PCDHGA3: variants seen among roughly 807,000 people sequenced by gnomAD.
PCDHGA3 encodes protocadherin gamma subfamily A, 3, also known as protocadherin gamma-A3.
PCDHGA3 carries 40 observed loss-of-function variants against 58.5 expected under a neutral mutation model. That is an observed-to-expected ratio of 0.68 (90% CI 0.53 to 0.89). The LOEUF (loss-of-function observed/expected upper bound fraction) is 0.89. PCDHGA3 is among the 40% of genes least tolerant of loss of function. The probability of loss-of-function intolerance (pLI) is 0.00; values close to 1 mark genes in which losing one functional copy is unlikely to be tolerated. For missense variants in PCDHGA3, 1,223 were observed against 1,195.9 expected, an observed-to-expected ratio of 1.02 and a Z score of -0.33; for synonymous variants, 530 against 525.7, an observed-to-expected ratio of 1.01 and a Z score of -0.11.
In PCDHGA3 at chr5:141,345,463, A is replaced by G. The variant is rs775001593; in HGVS notation, c.1430A>G (p.Gln477Arg). 9.3e-6 allele frequency: 15 copies of G among 1,614,042 alleles called. No homozygotes were observed. The highest frequency in any genetic ancestry group is 6.7e-5 in the Admixed American group (4 of 60,002). ...GCCTCCATCTTCTCAGTGACAGCCC[A>G]GGACCCAGATAGCAACAACAACGCC... Reference protein sequence around the residue: ...RGASIFSVTAQDPDSNNNARI... With the variant: ...RGASIFSVTARDPDSNNNARI... The change falls in exon 1 of 4, where the codon CAG becomes CGG. Residue 477 changes from glutamine to arginine, a missense_variant. Coordinates refer to ENST00000253812, the MANE Select transcript of PCDHGA3 (RefSeq NM_018916.4).
chr5:141,432,506 G>A lies in PCDHGA3; in HGVS notation c.2425-62301G>A. 3 of 1,614,140 alleles carry A rather than the reference G, an allele frequency of 1.9e-6. No homozygotes were observed. Among genetic ancestry groups the A allele is most frequent in the Non-Finnish European group, 2.5e-6 (3 of 1,180,036 alleles). On this transcript the variant is annotated intron_variant, in intron 1 of 3. Transcript: ENST00000253812. This position sits in a 1 kb window ranked among gnomAD's most constrained non-coding sequence, Gnocchi z 6.0. ...CGTGGAGCTGGCTCCCCGCTCCGCA[G>A]AGCCCGGCTACCTGGTGACCAAGGT... is the stretch of plus-strand genomic sequence containing the variant.
chr5:141,362,555 A>G, intron 1 of PCDHGA3: 1 of 1,612,062 alleles, frequency 6.2e-7, no homozygotes, highest in Non-Finnish European at 8.5e-7. Context: ...ACTATTTTGA[A>G]GGTGAGCTTT....
At chr5:141,421,529 C>T in intron 1 of PCDHGA3, 1 of 1,614,020 alleles carries the variant, frequency 6.2e-7, no homozygotes, top group Non-Finnish European at 8.5e-7. Flanking sequence ...GAGACGGTGT[C>T]CTCCTGTTTT....
intron 1 of PCDHGA3, chr5:141,376,077 C>T (rs373865501): frequency 6.2e-7 from 1 of 1,613,380 alleles, no homozygotes; most frequent in Non-Finnish European, 8.5e-7. Flanking sequence ...GTGGCCGTGG[C>T]CGACAGGATC....
intron 1 of PCDHGA3, among the ~76,000 whole-genome samples, chr5:141,469,723 C>G (rs2099209474): frequency 6.6e-6 from 1 of 152,210 alleles, no homozygotes; most frequent in Non-Finnish European, 1.5e-5. Context: ...AGGAATTTAT[C>G]ATAAATACAC....
At chr5:141,370,782 C>G in intron 1 of PCDHGA3, 1 of 1,613,988 alleles carries the variant, frequency 6.2e-7, no homozygotes, top group Non-Finnish European at 8.5e-7. Context: ...TAACGACAAC[C>G]CACCGACCTT....
chr5:141,360,714 G>A (rs1761713863), intron 1 of PCDHGA3: 1 of 1,613,956 alleles, frequency 6.2e-7, no homozygotes, highest in Non-Finnish European at 8.5e-7. Flanking sequence ...AATATCCTGA[G>A]TTGATTCTAA....
intron 1 of PCDHGA3, chr5:141,403,711 G>A: frequency 6.2e-7 from 1 of 1,613,930 alleles, no homozygotes; most frequent in South Asian, 1.1e-5. Context: ...AAGTCCTTGA[G>A]AACGTGCCCC....
rs72790006 is a variant in PCDHGA3 at position 141,345,024 on chromosome 5, G to T, written c.991G>T (p.Ala331Ser). The T allele has an allele frequency of 0.026, 42,587 of 1,613,916 alleles. 730 individuals carry two copies. The highest frequency in any genetic ancestry group is 0.041 in the East Asian group (1,840 of 44,874). ...GGATGGACCAGGTCTTCTTTCAAGA[G>T]CCAAGATTCTAGTCACGGTTCTGGA... ...AQDGPGLLSR[A>S]KILVTVLDVN... The change falls in exon 1 of 4, where the codon GCC becomes TCC. Residue 331 changes from alanine to serine, a missense_variant. Around this residue, in one of 3 missense-constraint regions of PCDHGA3, gnomAD observed 791 missense variants for 708.5 expected, o/e 1.12. Coordinates refer to ENST00000253812, the MANE Select transcript of PCDHGA3 (RefSeq NM_018916.4).
rs1442570663 is a variant in PCDHGA3, at chr5:141,438,613, TATATATATATATATATATATATACACAC to T, written c.2425-56192_2425-56165del. On this transcript the variant is annotated intron_variant, in intron 1 of 3. Transcript: ENST00000253812. Reference sequence around the variant, plus strand: ...ATACATATATATATATATATATATATATATATATATATATATATATATACACACACACACACACATATATGTATATATA... The same window carrying T: ...ATACATATATATATATATATATATATACACACACACATATATGTATATATA... Among the ~76,000 whole-genome samples, 243 of 36,492 alleles carry T rather than the reference TATATATATATATATATATATATACACAC, an allele frequency of 6.7e-3. 7 individuals are homozygous for T. The highest frequency in any genetic ancestry group is 0.033 in the East Asian group (37 of 1,124). The allele number at this position is 36,492 out of a possible 152,430, so 23.9% of individuals were successfully genotyped here.
At chr5:141,370,602 G>A in intron 1 of PCDHGA3, 1 of 1,613,954 alleles carries the variant, frequency 6.2e-7, no homozygotes, top group Non-Finnish European at 8.5e-7. Flanking sequence ...GCGGGTTATT[G>A]CAGAGAAGAA....
rs1054012796 is a variant in PCDHGA3 at position 141,420,071 on chromosome 5, G to C, written c.2424+73614G>C. The C allele has an allele frequency of 6.2e-7, 1 of 1,614,050 alleles. No individual in the cohort carries two copies. On this transcript the variant is annotated intron_variant, in intron 1 of 3. Coordinates refer to ENST00000253812, the MANE Select transcript of PCDHGA3 (RefSeq NM_018916.4). ...AGTTCTCTGCTCCAAGTCCGGACCT[G>C]TGGGTCCCCCCAACTACAGTGAGGG...
At chr5:141,376,453 T>C (rs779136467) in intron 1 of PCDHGA3, 2 of 1,614,048 alleles carry the variant, frequency 1.2e-6, no homozygotes, top group African/African-American at 2.7e-5. Flanking sequence ...AAAGCGAGCC[T>C]CTTCTGATAA....
In PCDHGA3 at chr5:141,351,797, C is replaced by T. The variant is rs773768523; in HGVS notation, c.2424+5340C>T. The T allele has an allele frequency of 2.4e-5, 39 of 1,613,244 alleles. No individual in the cohort carries two copies. In the Admixed American group the frequency reaches 5.3e-4, roughly 22 times the overall value. On this transcript the variant is annotated intron_variant, in intron 1 of 3. Coordinates refer to ENST00000253812, the MANE Select transcript of PCDHGA3 (RefSeq NM_018916.4). The stretch of plus-strand genomic sequence containing the variant: ...CCCGCAGAGCGGGGTGGTGTTCGCG[C>T]AGCGCGCCTTCGACCACGAGCAGCT...
Position 141,344,763 on chromosome 5 carries a change from C to A in PCDHGA3, c.730C>A (p.Gln244Lys). ...AAATGACAACCCACCAATGTTTACTCAGCCTGAGTACCGTGTGAGTGTTTG... is the reference window on the plus strand; with the variant it reads ...AAATGACAACCCACCAATGTTTACTAAGCCTGAGTACCGTGTGAGTGTTTG... ...DANDNPPMFT[Q>K]PEYRVSVWEN... Residue 244 changes from glutamine (Q) to lysine (K), a missense_variant, in exon 1 of 4, where the codon CAG becomes AAG. Gln to Lys is a moderately conservative substitution (Grantham distance 53). Around this residue, in one of 3 missense-constraint regions of PCDHGA3, gnomAD observed 791 missense variants for 708.5 expected, o/e 1.12. Coordinates refer to ENST00000253812, the MANE Select transcript of PCDHGA3 (RefSeq NM_018916.4). The A allele has an allele frequency of 6.2e-7, 1 of 1,614,014 alleles. No individual in the cohort carries two copies. The highest frequency in any genetic ancestry group is 1.1e-5 in the South Asian group (1 of 91,072).
At chr5:141,374,161 C>G in intron 1 of PCDHGA3, 1 of 1,612,316 alleles carries the variant, frequency 6.2e-7, no homozygotes, top group South Asian at 1.1e-5. Flanking sequence ...TGTGGGGGGC[C>G]GCGGCAGCGC....
intron 1 of PCDHGA3, among the ~76,000 whole-genome samples, chr5:141,492,148 G>C (rs2099737507): frequency 6.6e-6 from 1 of 152,202 alleles, no homozygotes; most frequent in Admixed American, 6.5e-5. Flanking sequence ...TGACTTCACT[G>C]TTACCCTCCC....
In PCDHGA3 at chr5:141,383,840, T is replaced by C. The variant is rs190731749; in HGVS notation, c.2424+37383T>C. 1.9e-6 allele frequency: 3 copies of C among 1,613,952 alleles called. No homozygotes were observed. In the East Asian group the frequency reaches 6.7e-5, roughly 36 times the overall value. Reference sequence around the variant, plus strand: ...GGATTAGATTATGAAGAAACTGCCTTCTATGAAATGGAGGTTCAGGCTCAA... The same window carrying C: ...GGATTAGATTATGAAGAAACTGCCTCCTATGAAATGGAGGTTCAGGCTCAA... On this transcript the variant is annotated intron_variant, in intron 1 of 3. Transcript: ENST00000253812.
rs375072336 is a variant in PCDHGA3, at chr5:141,350,302, A to G, written c.2424+3845A>G. On this transcript the variant is annotated intron_variant, in intron 1 of 3. Transcript: ENST00000253812. ...AAGCCGAAATGATGAAAAGTCAGGT[A>G]CTGTTTCCCTTCCTGCTGTCTTTGT... 1.1e-5 allele frequency: 17 copies of G among 1,520,774 alleles called. No individual in the cohort carries two copies. In the East Asian group the frequency reaches 1.8e-4, roughly 16 times the overall value. 94.2% of individuals were successfully genotyped at this position (1,520,774 alleles called of 1,614,324 possible).
Sources: gnomAD v4.1 joint callset for allele counts (sites outside exome capture counted in the v4.1 genomes callset) on GRCh38, gnomAD v4.1.1 for gene constraint, gnomAD v4.1.1 regional missense constraint, Gnocchi (gnomAD v3.1) non-coding constraint, MANE v1.5 for transcripts, NCBI Gene and HGNC (gene_info 2026-07-23, HGNC 2026-07-21) for gene names.